ARHGEF28: variants seen among roughly 807,000 people sequenced by gnomAD.
ARHGEF28 encodes the protein Rho guanine nucleotide exchange factor 28.
ARHGEF28 carries 152 observed loss-of-function variants against 206.6 expected under a neutral mutation model. The ratio of observed to expected loss-of-function variants is 0.74; its 90% CI spans 0.64 to 0.84. The LOEUF (loss-of-function observed/expected upper bound fraction) is 0.84, where lower values mean the gene tolerates loss of function less well. Among genes scored for constraint, ARHGEF28 ranks in the 40% least tolerant of loss-of-function variants. The pLI is 0.00. For synonymous variants in ARHGEF28, 763 were observed against 776.4 expected, an observed-to-expected ratio of 0.98 and a Z score of 0.29; for missense variants, 2,028 against 2,073.2, an observed-to-expected ratio of 0.98 and a Z score of 0.42.
At chr5:73,892,835 G>A (rs573924526) in intron 27 of ARHGEF28, among the ~76,000 whole-genome samples, 25 of 152,278 alleles carry the variant, frequency 1.6e-4, no homozygotes, top group Admixed American at 1.4e-3. Flanking sequence ...GTTAGATCCT[G>A]AAGTTATATA....
At chr5:73,929,500 TCA>T (rs10532411) in intron 35 of ARHGEF28, among the ~76,000 whole-genome samples, 58,953 of 151,970 alleles carry the variant, frequency 0.39, 11,561 homozygotes, top group East Asian at 0.55. Flanking sequence ...TGTATACTTT[TCA>T]CAGTTTATTT....
intron 27 of ARHGEF28, among the ~76,000 whole-genome samples, chr5:73,892,530 A>AG (rs1761708537): frequency 6.6e-6 from 1 of 152,036 alleles, no homozygotes; most frequent in Non-Finnish European, 1.5e-5. Flanking sequence ...AAATTCTTTA[A>AG]CACCTGCTCA....
chr5:73,935,149 C>T (rs763587166), intron 35 of ARHGEF28, among the ~76,000 whole-genome samples: 1 of 152,110 alleles, frequency 6.6e-6, no homozygotes, highest in Non-Finnish European at 1.5e-5. Flanking sequence ...TTGACTATTC[C>T]AAATATGTTA....
intron 9 of ARHGEF28, among the ~76,000 whole-genome samples, chr5:73,797,461 C>T (rs1754887630): frequency 1.3e-5 from 2 of 152,174 alleles, no homozygotes; most frequent in East Asian, 1.9e-4. Flanking sequence ...CATGCAGTGG[C>T]GCCATCTTGG....
intron 35 of ARHGEF28, among the ~76,000 whole-genome samples, chr5:73,928,011 T>C (rs1226371185): frequency 1.3e-5 from 2 of 152,212 alleles, no homozygotes; most frequent in Non-Finnish European, 2.9e-5. Flanking sequence ...AAAAATAATG[T>C]TTTTCATTTT....
intron 2 of ARHGEF28, among the ~76,000 whole-genome samples, chr5:73,690,354 C>G (rs1416526204): frequency 6.6e-6 from 1 of 151,720 alleles, no homozygotes; most frequent in Non-Finnish European, 1.5e-5. Context: ...AAACAAATAC[C>G]TATTCTACTT....
intron 12 of ARHGEF28, among the ~76,000 whole-genome samples, chr5:73,847,492 G>A (rs1758437590): frequency 6.6e-6 from 1 of 152,142 alleles, no homozygotes; most frequent in Non-Finnish European, 1.5e-5. Flanking sequence ...CTGCAGAGCT[G>A]CCGTAATCTT....
At chr5:73,855,548 A>G (rs1758970576) in intron 14 of ARHGEF28, among the ~76,000 whole-genome samples, 1 of 152,084 alleles carries the variant, frequency 6.6e-6, no homozygotes, top group Admixed American at 6.5e-5. Flanking sequence ...CCTGGCCAAC[A>G]TGGCAAAACC....
At chr5:73,703,941 T>C (rs1338376179) in intron 2 of ARHGEF28, among the ~76,000 whole-genome samples, 3 of 151,632 alleles carry the variant, frequency 2.0e-5, no homozygotes, top group African/African-American at 7.3e-5. Context: ...GGAGAATCGC[T>C]TGAACACAGG....
At chr5:73,648,317 AG>A (rs1452149493) in intron 1 of ARHGEF28, among the ~76,000 whole-genome samples, 5 of 152,152 alleles carry the variant, frequency 3.3e-5, no homozygotes, top group Non-Finnish European at 7.3e-5. Flanking sequence ...GCTTCTGTGG[AG>A]GGTGTTTCTG....
At chr5:73,686,256 C>G (rs764941664) in intron 2 of ARHGEF28, among the ~76,000 whole-genome samples, 2 of 152,096 alleles carry the variant, frequency 1.3e-5, no homozygotes, top group Non-Finnish European at 2.9e-5. Context: ...ACTCCCAAAT[C>G]TTACTGCTGT....
chr5:73,785,050 C>T (rs1353951533), intron 7 of ARHGEF28, among the ~76,000 whole-genome samples: 1 of 152,146 alleles, frequency 6.6e-6, no homozygotes, highest in Non-Finnish European at 1.5e-5. Context: ...TTTCATCATA[C>T]TACTCAAGAA....
intron 14 of ARHGEF28, among the ~76,000 whole-genome samples, chr5:73,854,395 C>G (rs768160484): frequency 6.6e-5 from 10 of 152,164 alleles, no homozygotes; most frequent in Non-Finnish European, 1.2e-4. Context: ...TATGGCATGA[C>G]TTGATTATTT....
intron 4 of ARHGEF28, among the ~76,000 whole-genome samples, chr5:73,754,902 TA>T (rs1313280852): frequency 6.6e-6 from 1 of 151,322 alleles, no homozygotes; most frequent in African/African-American, 2.4e-5. Flanking sequence ...TTTATTTATT[TA>T]TTTATTTTTT....
At chr5:73,914,822 C>T (rs1236582826) in intron 35 of ARHGEF28, among the ~76,000 whole-genome samples, 4 of 152,158 alleles carry the variant, frequency 2.6e-5, no homozygotes, top group Non-Finnish European at 5.9e-5. Flanking sequence ...ACCTCCTGGG[C>T]TCCATCCACC....
chr5:73,718,321 C>A (rs2112323886), intron 2 of ARHGEF28, among the ~76,000 whole-genome samples: 1 of 152,332 alleles, frequency 6.6e-6, no homozygotes, highest in African/African-American at 2.4e-5. Flanking sequence ...CAGAAGATGA[C>A]AAAATGACTC....
At chr5:73,832,304 C>G in intron 9 of ARHGEF28, 34 bp from the exon 10 acceptor site, 2 of 1,608,418 alleles carry the variant, frequency 1.2e-6, no homozygotes, top group Admixed American at 3.4e-5. Flanking sequence ...GCCCCTTCTC[C>G]TTTATTTGCC....
In ARHGEF28 at chr5:73,886,079, G is replaced by C; in HGVS notation, c.3285G>C (p.Trp1095Cys). ...TGTTATATGATGGCCTTGTTTACTG[G>C]AAAACTGCTACAGGTCGTTTCAAAG... Reference protein sequence around the residue: ...RTLLYDGLVYWKTATGRFKDI... With the variant: ...RTLLYDGLVYCKTATGRFKDI... Residue 1095 changes from tryptophan (W) to cysteine (C), a missense_variant, in exon 25 of 36, where the codon TGG (tryptophan) becomes TGC (cysteine). Trp to Cys is a radical substitution (Grantham distance 215, BLOSUM62 -2). This residue lies in a region of ARHGEF28 where 803 missense variants were observed against 768.0 expected (regional missense o/e 1.05). Coordinates refer to ENST00000513042, the MANE Select transcript of ARHGEF28 (RefSeq NM_001177693.2). 6.2e-7 allele frequency: 1 copy of C among 1,613,206 alleles called. No individual in the cohort carries two copies. Among genetic ancestry groups the C allele is most frequent in the Non-Finnish European group, 8.5e-7 (1 of 1,179,606 alleles).
chr5:73,896,479 G>T (rs1761967523), intron 29 of ARHGEF28, among the ~76,000 whole-genome samples: 1 of 152,170 alleles, frequency 6.6e-6, no homozygotes, highest in Non-Finnish European at 1.5e-5. Context: ...AATCATGGGT[G>T]TGGCATGATC....
Sources: allele counts gnomAD v4.1 joint callset (sites outside exome capture counted in the v4.1 genomes callset), GRCh38; gene constraint gnomAD v4.1.1; regional missense constraint gnomAD v4.1.1; transcripts MANE v1.5; gene names NCBI Gene and HGNC (gene_info 2026-07-23, HGNC 2026-07-21).